Variants in AGO2 observed in about 807,000 individuals in gnomAD.
AGO2 encodes argonaute RISC catalytic component 2.
In AGO2, 5 loss-of-function variants were observed where a neutral mutation model predicts 102.3. The ratio of observed to expected loss-of-function variants is 0.05; its 90% CI spans 0.03 to 0.10. The LOEUF is 0.10. AGO2 is among the 10% of genes least tolerant of loss of function. The pLI is 1.00. For synonymous variants in AGO2, 449 were observed against 473.1 expected (o/e 0.95, Z 0.66); for missense variants, 541 against 1,183.7 (o/e 0.46, Z 7.97).
At chr8:140,544,037 C>A (rs1229892066) in intron 14 of AGO2, among the ~76,000 whole-genome samples, 176 bp downstream of exon 14, 1 of 152,206 alleles carries the variant, frequency 6.6e-6, no homozygotes, top group East Asian at 1.9e-4. Context: ...TATTTTGTGT[C>A]ATTCTAGTGT....
chr8:140,560,271 G>A, intron 5 of AGO2, 103 bp downstream of exon 5: 1 of 1,499,208 alleles, frequency 6.7e-7, no homozygotes, highest in East Asian at 2.3e-5. Flanking sequence ...TCTGACAGAG[G>A]CCATGCGTGG....
At chr8:140,616,536 A>G (rs369209309) in intron 1 of AGO2, among the ~76,000 whole-genome samples, 150 of 152,348 alleles carry the variant, frequency 9.8e-4, no homozygotes, top group African/African-American at 3.5e-3. Context: ...AATAAAATAC[A>G]ATGCATTATG....
At chr8:140,641,285 G>A in the AGO2 span, among the ~76,000 whole-genome samples, 8 of 136,782 alleles carry the variant, frequency 5.8e-5, no homozygotes, top group Non-Finnish European at 9.3e-5. Flanking sequence ...AGAGCAAGAC[G>A]CTGTCTCAAA....
chr8:140,544,594 G>T (rs1047371976), intron 13 of AGO2, among the ~76,000 whole-genome samples: 11 of 151,680 alleles, frequency 7.3e-5, no homozygotes, highest in Non-Finnish European at 1.3e-4. Flanking sequence ...GGCCCAGGAG[G>T]GCTCACCCTT....
At chr8:140,617,203 A>T (rs1199009887) in intron 1 of AGO2, among the ~76,000 whole-genome samples, 1 of 152,118 alleles carries the variant, frequency 6.6e-6, no homozygotes, top group Non-Finnish European at 1.5e-5. Context: ...CCTGCTGTAC[A>T]CCAGGCTCTC....
rs868309136 is a variant in AGO2 at position 140,551,394 on chromosome 8, G to A, written c.1312C>T (p.Arg438Trp). ...ATPVQGVWDM[R>W]NKQFHTGIEI... ...ATGCCCGTGTGGAACTGCTTGTTCCGCATGTCCCAGACGCCCTGGACAGGG... is the reference window on the plus strand; with the variant it reads ...ATGCCCGTGTGGAACTGCTTGTTCCACATGTCCCAGACGCCCTGGACAGGG... The change falls in exon 11 of 19, where the codon CGG becomes TGG. Residue 438 changes from arginine to tryptophan, a missense_variant. Transcript: ENST00000220592. 6.3e-7 allele frequency: 1 copy of A among 1,594,716 alleles called. No individual in the cohort carries two copies. Among genetic ancestry groups the A allele is most frequent in the Non-Finnish European group, 8.6e-7 (1 of 1,167,494 alleles).
chr8:140,555,747 T>G (rs1420332754), intron 10 of AGO2, 149 bp downstream of exon 10: 2 of 1,155,612 alleles, frequency 1.7e-6, no homozygotes, highest in African/African-American at 3.1e-5. Context: ...TTATGAAATC[T>G]CACGTCTTTT....
intron 1 of AGO2, among the ~76,000 whole-genome samples, chr8:140,617,377 G>C (rs927712018): frequency 1.3e-5 from 2 of 151,868 alleles, no homozygotes; most frequent in Admixed American, 6.6e-5. Flanking sequence ...TCAGCCTCCT[G>C]AATAGCTGGG....
intron 1 of AGO2, among the ~76,000 whole-genome samples, chr8:140,619,298 A>G (rs13261055): frequency 0.44 from 67,375 of 152,152 alleles, 15,800 homozygotes; most frequent in Non-Finnish European, 0.54. Context: ...AGGCACTGTA[A>G]GTACACCACC....
At chr8:140,591,033 A>G (rs2073739515) in intron 1 of AGO2, among the ~76,000 whole-genome samples, 1 of 152,132 alleles carries the variant, frequency 6.6e-6, no homozygotes, top group Admixed American at 6.5e-5. Flanking sequence ...GGCCCATGGG[A>G]AGGCTGGGTC....
chr8:140,620,684 T>C (rs1001200553), intron 1 of AGO2, among the ~76,000 whole-genome samples: 12 of 151,972 alleles, frequency 7.9e-5, no homozygotes, highest in Admixed American at 5.2e-4. Flanking sequence ...CAGGCTAACA[T>C]GGAGAGACCC....
At position 140,542,129 on chromosome 8, in the gene AGO2, C is replaced by T. The variant is rs554639604; in HGVS notation, c.1840-771G>A. The stretch of plus-strand genomic sequence containing the variant: ...GAGGGCAGACAGAGAGAGCCTAGCA[C>T]GGCTCTGCGGTTCTCTGTCGGGGGC... On this transcript the variant is annotated intron_variant, in intron 14 of 18. Transcript: ENST00000220592. Among the ~76,000 whole-genome samples the T allele has an allele frequency of 5.3e-5, 8 of 152,302 alleles. No individual in the cohort carries two copies. The South Asian group carries it at 6.2e-4, about 12-fold the overall frequency.
rs901806477 is a variant in AGO2 at position 140,521,268 on chromosome 8, C to A, written c.*10776G>T. On this transcript the variant is annotated 3_prime_UTR_variant, in exon 19 of 19. Transcript: ENST00000220592. ...ATACTAAAGGATGATTTACTCTTTA[C>A]AAAATAGAGCTTAAGTATCAACCTG... The A allele has an allele frequency of 3.3e-5, 5 of 152,148 alleles. No individual in the cohort carries two copies. Among genetic ancestry groups the A allele is most frequent in the African/African-American group, 1.2e-4 (5 of 41,430 alleles). 9.4% of individuals were successfully genotyped at this position (152,148 alleles called of 1,614,324 possible).
chr8:140,557,033 G>A lies in AGO2; in HGVS notation c.1026+56C>T. 2 of 1,568,616 alleles carry A rather than the reference G, an allele frequency of 1.3e-6. No individual in the cohort carries two copies. Among genetic ancestry groups the A allele is most frequent in the Non-Finnish European group, 1.7e-6 (2 of 1,155,364 alleles). ...CGGTTTCTCGAAGCTGCATGCCCCA[G>A]CCTGGGACGCCGCCCTCCCAAGCCC... On this transcript the variant is annotated intron_variant, in intron 8 of 18. Transcript: ENST00000220592. This position sits in a 1 kb window ranked among gnomAD's most constrained non-coding sequence, Gnocchi z 5.9.
At chr8:140,538,647 G>T (rs890302188) in intron 16 of AGO2, among the ~76,000 whole-genome samples, 1 of 152,174 alleles carries the variant, frequency 6.6e-6, no homozygotes, top group Non-Finnish European at 1.5e-5. Context: ...GGGACCTGCC[G>T]GGAGGGTCCG....
intron 1 of AGO2, among the ~76,000 whole-genome samples, chr8:140,614,470 T>C (rs573757529): frequency 1.6e-4 from 24 of 152,360 alleles, no homozygotes; most frequent in African/African-American, 5.8e-4. Context: ...TTTCCTTTGA[T>C]TCCCTAATGA....
At chr8:140,614,769 G>A (rs546638078) in intron 1 of AGO2, among the ~76,000 whole-genome samples, 9 of 152,324 alleles carry the variant, frequency 5.9e-5, no homozygotes, top group Non-Finnish European at 1.3e-4. Context: ...CTTCCAAAAC[G>A]GGAGGATGGC....
At position 140,559,545 on chromosome 8, in the gene AGO2, G is replaced by C; in HGVS notation, c.656-16C>G. 1 of 1,611,558 alleles carries C rather than the reference G, an allele frequency of 6.2e-7. No homozygotes were observed. The highest frequency in any genetic ancestry group is 8.5e-7 in the Non-Finnish European group (1 of 1,178,908). On this transcript the variant is annotated splice_polypyrimidine_tract_variant and intron_variant, in intron 5 of 18. Coordinates refer to ENST00000220592, the MANE Select transcript of AGO2 (RefSeq NM_012154.5). ...GTTGCTGACACTGTAGGCGAGAAAA[G>C]AGGCAAAGGCCTAAGCATGACTGTG...
At chr8:140,575,949 T>C (rs1002799360) in intron 2 of AGO2, among the ~76,000 whole-genome samples, 3 of 152,116 alleles carry the variant, frequency 2.0e-5, no homozygotes, top group Non-Finnish European at 4.4e-5. Flanking sequence ...GAAAAATTCA[T>C]AAACTAGGCT....
Sources: gnomAD v4.1 joint callset for allele counts (sites outside exome capture counted in the v4.1 genomes callset) on GRCh38, gnomAD v4.1.1 for gene constraint, Gnocchi (gnomAD v3.1) non-coding constraint, MANE v1.5 for transcripts, NCBI Gene and HGNC (gene_info 2026-07-23, HGNC 2026-07-21) for gene names.